Variants in EYS observed in about 807,000 individuals in gnomAD.
The protein encoded by EYS is protein eyes shut homolog.
A neutral mutation model predicts 282.1 loss-of-function variants in EYS; 250 were observed. The observed-to-expected ratio is 0.89, with a 90% confidence interval of 0.80 to 0.98. The LOEUF is 0.98. EYS is among the 50% of genes least tolerant of loss of function. EYS has a pLI of 0.00. For missense variants in EYS, 4,016 were observed against 3,709.0 expected (o/e 1.08, Z -2.15); for synonymous variants, 1,355 against 1,282.9 (o/e 1.06, Z -1.20).
intron 2 of EYS, among the ~76,000 whole-genome samples, chr6:65,570,918 C>T (rs181156315): frequency 6.6e-6 from 1 of 151,978 alleles, no homozygotes; most frequent in Non-Finnish European, 1.5e-5. Flanking sequence ...TGTTTATATT[C>T]TAAAAGAAAT....
intron 14 of EYS, among the ~76,000 whole-genome samples, chr6:64,991,451 A>T (rs1771059705): frequency 6.6e-6 from 1 of 151,756 alleles, no homozygotes; most frequent in African/African-American, 2.4e-5. Flanking sequence ...AGATTTAATA[A>T]CAGATTTAAG....
chr6:64,803,218 T>C (rs75049265), intron 22 of EYS, among the ~76,000 whole-genome samples: 3,789 of 152,174 alleles, frequency 0.025, 154 homozygotes, highest in African/African-American at 0.085. Flanking sequence ...GTAGCTCCTT[T>C]CCAGCTCTCT....
intron 30 of EYS, among the ~76,000 whole-genome samples, chr6:64,246,393 A>G (rs1767025694): frequency 1.3e-5 from 2 of 152,178 alleles, no homozygotes; most frequent in Non-Finnish European, 2.9e-5. Flanking sequence ...AATTTCTCAG[A>G]ATGCATATCT....
intron 41 of EYS, among the ~76,000 whole-genome samples, chr6:63,735,932 A>G (rs761788763): frequency 6.6e-6 from 1 of 152,130 alleles, no homozygotes; most frequent in Non-Finnish European, 1.5e-5. Context: ...ATCGATTCAA[A>G]CCATGTAATC....
intron 29 of EYS, among the ~76,000 whole-genome samples, chr6:64,316,402 A>C (rs1769964604): frequency 6.6e-6 from 1 of 152,192 alleles, no homozygotes; most frequent in African/African-American, 2.4e-5. Context: ...CAAAAATCAC[A>C]AGTATTCCTA....
intron 12 of EYS, among the ~76,000 whole-genome samples, chr6:65,086,844 T>TA (rs1774391801): frequency 6.6e-6 from 1 of 151,760 alleles, no homozygotes; most frequent in Non-Finnish European, 1.5e-5. Flanking sequence ...TTTTTTTTTT[T>TA]AACGGAGTCT....
intron 22 of EYS, among the ~76,000 whole-genome samples, chr6:64,660,767 G>T (rs558286179): frequency 6.6e-6 from 1 of 152,216 alleles, no homozygotes; most frequent in Middle Eastern, 3.4e-3. Context: ...AACATTCCAC[G>T]CTCATGGGTA....
At chr6:64,671,256 A>T (rs1769448055) in intron 22 of EYS, among the ~76,000 whole-genome samples, 1 of 152,090 alleles carries the variant, frequency 6.6e-6, no homozygotes, top group Non-Finnish European at 1.5e-5. Context: ...TAGAAGGTGG[A>T]GCCTTTGGGA....
At chr6:64,798,946 C>T (rs1262950260) in intron 22 of EYS, among the ~76,000 whole-genome samples, 33 of 151,900 alleles carry the variant, frequency 2.2e-4, no homozygotes, top group Admixed American at 2.2e-3. Flanking sequence ...TTTAGCTGGA[C>T]TCACATTCCC....
At chr6:63,807,254 C>T (rs1337276437) in intron 36 of EYS, among the ~76,000 whole-genome samples, 1 of 152,082 alleles carries the variant, frequency 6.6e-6, no homozygotes, top group East Asian at 1.9e-4. Context: ...AAGGGATGTT[C>T]CTAGGATCTA....
intron 2 of EYS, among the ~76,000 whole-genome samples, chr6:65,538,873 T>G (rs1421051602): frequency 1.3e-5 from 2 of 152,172 alleles, no homozygotes; most frequent in Non-Finnish European, 2.9e-5. Context: ...GCCATACTAG[T>G]GTTGCTACAC....
intron 28 of EYS, among the ~76,000 whole-genome samples, chr6:64,432,480 A>C (rs1425057751): frequency 1.3e-5 from 2 of 151,252 alleles, no homozygotes; most frequent in African/African-American, 4.8e-5. Context: ...CCCATAATAC[A>C]CTTGTTATTA....
rs768310573 is a variant in EYS, at chr6:64,997,662, C to G, written c.2179G>C (p.Gly727Arg). ...FSCLCNPGYV[G>R]IRCEQDIDDC... ...TCAATGTCCTGTTCACATCTTATCC[C>G]AACATAGCCTGGATTGCATAAGCAG... The change falls in exon 14 of 43, where the codon GGG (glycine) becomes CGG (arginine). Residue 727 changes from glycine to arginine, a missense_variant. Physicochemically the swap from Gly to Arg is moderately radical, Grantham distance 125. Transcript: ENST00000503581. 1 of 1,551,098 alleles carries G rather than the reference C, an allele frequency of 6.4e-7. No individual in the cohort carries two copies. Among genetic ancestry groups the G allele is most frequent in the Non-Finnish European group, 8.7e-7 (1 of 1,146,564 alleles).
At chr6:65,273,412 C>T (rs1466635117) in intron 12 of EYS, among the ~76,000 whole-genome samples, 1 of 152,052 alleles carries the variant, frequency 6.6e-6, no homozygotes, top group Non-Finnish European at 1.5e-5. Context: ...TGCATTCATT[C>T]ACTCTAAGGA....
At chr6:64,323,212 T>C (rs1770283274) in intron 29 of EYS, among the ~76,000 whole-genome samples, 1 of 145,180 alleles carries the variant, frequency 6.9e-6, no homozygotes, top group Non-Finnish European at 1.5e-5. Context: ...TATTATTTCT[T>C]CAATGCTAGG....
chr6:65,707,023 TA>T (rs1769903725), intron 1 of EYS, 111 bp downstream of exon 1: 1 of 152,212 alleles, frequency 6.6e-6, no homozygotes, highest in African/African-American at 2.4e-5. Context: ...AATAACTGGT[TA>T]AAGAAATGCT....
chr6:64,564,404 A>G (rs1256183144), intron 26 of EYS, among the ~76,000 whole-genome samples: 1 of 144,586 alleles, frequency 6.9e-6, no homozygotes, highest in Non-Finnish European at 1.5e-5. Context: ...CAGCCTCCCA[A>G]GTAGTTGGGA....
intron 2 of EYS, among the ~76,000 whole-genome samples, chr6:65,636,639 C>T (rs1767099449): frequency 6.6e-6 from 1 of 152,178 alleles, no homozygotes; most frequent in Non-Finnish European, 1.5e-5. Context: ...ATCCACTTCT[C>T]TTTCCCATTA....
At chr6:65,067,918 G>A (rs1773794319) in intron 12 of EYS, among the ~76,000 whole-genome samples, 1 of 152,038 alleles carries the variant, frequency 6.6e-6, no homozygotes. Context: ...TTATTAAAGA[G>A]GCAGATATTA....
Sources: gnomAD v4.1 joint callset for allele counts (sites outside exome capture counted in the v4.1 genomes callset) on GRCh38, gnomAD v4.1.1 for gene constraint, MANE v1.5 for transcripts, NCBI Gene and HGNC (gene_info 2026-07-23, HGNC 2026-07-21) for gene names.